Variants in SULF2 observed in about 807,000 individuals in gnomAD.
SULF2 encodes sulfatase 2.
SULF2 carries 52 observed loss-of-function variants against 107.7 expected under a neutral mutation model. The ratio of observed to expected loss-of-function variants is 0.48; its 90% CI spans 0.39 to 0.61. The LOEUF is 0.61. SULF2 is among the 20% of genes least tolerant of loss of function. The pLI is 0.00. For missense variants in SULF2, 993 were observed against 1,177.3 expected, an observed-to-expected ratio of 0.84 and a Z score of 2.29; for synonymous variants, 460 against 464.3, an observed-to-expected ratio of 0.99 and a Z score of 0.12.
intron 3 of SULF2, among the ~76,000 whole-genome samples, chr20:47,704,157 C>G (rs2088654995): frequency 1.3e-5 from 2 of 152,176 alleles, no homozygotes; most frequent in African/African-American, 4.8e-5. Flanking sequence ...TTTACATCAA[C>G]AACAAAGCTT....
At chr20:47,757,048 G>A (rs1003637490) in intron 2 of SULF2, 141 bp downstream of exon 2, 5 of 715,122 alleles carry the variant, frequency 7.0e-6, no homozygotes, top group Non-Finnish European at 6.7e-6. Context: ...AAACACGTGT[G>A]GGTGGCCCGT....
rs2086960733 is a variant in SULF2 at position 47,658,369 on chromosome 20, TC to T, written c.2605del (p.Glu869LysfsTer28). ...GTCCACCTCTGTTGTTTCTTAACCTTCCCAGCCTTCCCACAGTTGTCCCCTA... is the reference window on the plus strand; with the variant it reads ...GTCCACCTCTGTTGTTTCTTAACCTTCCAGCCTTCCCACAGTTGTCCCCTA... Reference protein sequence around the residue: ...KSLGQLWEGWEG With the variant: ...KSLGQLWEGWXG On this transcript the variant is annotated frameshift_variant, in exon 21 of 21. Coordinates refer to ENST00000688720, the MANE Select transcript of SULF2 (RefSeq NM_001387048.1). LOFTEE classifies it high-confidence loss of function. 6.2e-7 allele frequency: 1 copy of T among 1,614,096 alleles called. No individual in the cohort carries two copies. The highest frequency in any genetic ancestry group is 8.5e-7 in the Non-Finnish European group (1 of 1,180,028).
At chr20:47,757,966 G>A (rs73137529) in intron 1 of SULF2, among the ~76,000 whole-genome samples, 38,557 of 151,880 alleles carry the variant, frequency 0.25, 5,756 homozygotes, top group Non-Finnish European at 0.34. Flanking sequence ...TGGATGTTTT[G>A]GGCTGGACAA....
At position 47,699,935 on chromosome 20, in the gene SULF2, T is replaced by C. The variant is rs375084193; in HGVS notation, c.567+2584A>G. Among the ~76,000 whole-genome samples, 4 of 152,278 alleles carry C rather than the reference T, an allele frequency of 2.6e-5. No individual in the cohort carries two copies. In the East Asian group the frequency reaches 7.7e-4, roughly 29 times the overall value. On this transcript the variant is annotated intron_variant, in intron 4 of 20. Coordinates refer to ENST00000688720, the MANE Select transcript of SULF2 (RefSeq NM_001387048.1). The stretch of plus-strand genomic sequence containing the variant: ...CTCCTGGCTTGCTACCCTCTTTCAG[T>C]GACTGCCTGTTCTCTAGTGACTTTA...
intron 1 of SULF2, among the ~76,000 whole-genome samples, chr20:47,774,371 G>A (rs780003541): frequency 2.2e-4 from 34 of 152,206 alleles, no homozygotes; most frequent in Non-Finnish European, 4.4e-4. Flanking sequence ...CTGGTGAGGC[G>A]GGGTCTGGGA....
At position 47,666,442 on chromosome 20, in the gene SULF2, G is replaced by A; in HGVS notation, c.1623C>T (p.Ala541=). The A allele has an allele frequency of 6.2e-7, 1 of 1,613,814 alleles. No individual in the cohort carries two copies. The highest frequency in any genetic ancestry group is 8.5e-7 in the Non-Finnish European group (1 of 1,180,038). Residue 541 remains alanine, a synonymous_variant, in exon 12 of 21, where the codon GCC becomes GCT. Coordinates refer to ENST00000688720, the MANE Select transcript of SULF2 (RefSeq NM_001387048.1). The surrounding 1 kb of genome is among the most constrained non-coding windows in gnomAD (Gnocchi z 5.4). Reference sequence around the variant, plus strand: ...GGTACACCCTGCCGTCCACCTCGATGGCCACTGAGCGGATGGAGCGACTGC... The same window carrying A: ...GGTACACCCTGCCGTCCACCTCGATAGCCACTGAGCGGATGGAGCGACTGC... ...YVRSRSIRSV[A]IEVDGRVYHV... is the part of the protein sequence containing the mutation.
At chr20:47,699,898 A>G (rs985775820) in intron 4 of SULF2, among the ~76,000 whole-genome samples, 16 of 152,068 alleles carry the variant, frequency 1.1e-4, no homozygotes, top group South Asian at 4.2e-4. Flanking sequence ...ACCACTCCCT[A>G]TTGTCCACAC....
intron 1 of SULF2, among the ~76,000 whole-genome samples, chr20:47,779,732 G>A (rs966543913): frequency 1.3e-4 from 19 of 151,926 alleles, no homozygotes; most frequent in African/African-American, 3.9e-4. Context: ...GCAGCCTCCC[G>A]AGTAACTGGG....
intron 4 of SULF2, among the ~76,000 whole-genome samples, chr20:47,696,393 CTCCTTACCA>C: frequency 1.3e-5 from 1 of 78,054 alleles, no homozygotes; most frequent in South Asian, 4.2e-4. Flanking sequence ...GATTAGATTA[CTCCTTACCA>C]CCCCCCCACC....
chr20:47,727,221 T>TCC (rs1006604118), intron 3 of SULF2, among the ~76,000 whole-genome samples: 19 of 152,152 alleles, frequency 1.2e-4, no homozygotes, highest in African/African-American at 4.6e-4. Context: ...CGGGCTCTAG[T>TCC]CCAATCACTG....
intron 1 of SULF2, 63 bp from the exon 2 acceptor site, chr20:47,757,526 A>G: frequency 3.7e-6 from 3 of 806,986 alleles, no homozygotes; most frequent in Non-Finnish European, 5.7e-6. Context: ...TCATTCTTGC[A>G]TAATGATTTG....
rs1003743838 is a variant in SULF2, at chr20:47,715,555, G to T, written c.416-12885C>A. Among the ~76,000 whole-genome samples, 4 of 151,520 alleles carry T rather than the reference G, an allele frequency of 2.6e-5. No individual in the cohort carries two copies. The Admixed American group carries it at 2.6e-4, about 10-fold the overall frequency. ...ACACCTCGTAATGGGAGGCCTGTGG[G>T]AGACACAGCTGAGTGAGGGAATGTC... On this transcript the variant is annotated intron_variant, in intron 3 of 20. Transcript: ENST00000688720.
rs115595577 is a variant in SULF2 at position 47,662,765 on chromosome 20, C to G, written c.2370+305G>C. Reference sequence around the variant, plus strand: ...TATTTGGCTTGATCCTACAGCCTGACAGTGTTAGGAGTCTTCACAAGTTCC... The same window carrying G: ...TATTTGGCTTGATCCTACAGCCTGAGAGTGTTAGGAGTCTTCACAAGTTCC... On this transcript the variant is annotated intron_variant, in intron 17 of 20. Transcript: ENST00000688720. 5.0e-3 allele frequency among the ~76,000 whole-genome samples: 724 copies of G among 143,810 alleles called. 7 individuals are homozygous for G. The highest frequency in any genetic ancestry group is 0.014 in the African/African-American group (579 of 40,752). 94.3% of individuals were successfully genotyped at this position (143,810 alleles called of 152,430 possible).
chr20:47,714,884 G>C (rs6066441), intron 3 of SULF2, among the ~76,000 whole-genome samples: 20,607 of 152,122 alleles, frequency 0.14, 1,752 homozygotes, highest in Non-Finnish European at 0.2. Flanking sequence ...ACCTGCATGG[G>C]CTGCTTCCTC....
intron 3 of SULF2, among the ~76,000 whole-genome samples, chr20:47,716,728 G>A (rs1480249793): frequency 1.3e-5 from 2 of 152,150 alleles, no homozygotes; most frequent in African/African-American, 4.8e-5. Context: ...AGGGACAGTG[G>A]CTCACGTCTG....
intron 3 of SULF2, among the ~76,000 whole-genome samples, chr20:47,736,175 C>T (rs953266570): frequency 2.0e-5 from 3 of 152,098 alleles, no homozygotes; most frequent in Non-Finnish European, 4.4e-5. Flanking sequence ...GGAACTGGGT[C>T]GCCCTCCACC....
chr20:47,762,349 T>G (rs1446496060), intron 1 of SULF2, among the ~76,000 whole-genome samples: 1 of 152,158 alleles, frequency 6.6e-6, no homozygotes, highest in Non-Finnish European at 1.5e-5. Flanking sequence ...CAGAAACCAA[T>G]CACAGGAAAA....
chr20:47,690,001 T>C, intron 5 of SULF2, 125 bp downstream of exon 5: 1 of 1,008,202 alleles, frequency 9.9e-7, no homozygotes, highest in Non-Finnish European at 1.3e-6. Flanking sequence ...TCTTGGGGTC[T>C]TTAAACCAGG....
chr20:47,762,641 G>A (rs566192512), intron 1 of SULF2, among the ~76,000 whole-genome samples: 3 of 152,212 alleles, frequency 2.0e-5, no homozygotes, highest in Non-Finnish European at 4.4e-5. Flanking sequence ...TTCCTCATTT[G>A]CCAGGTGGCC....
Sources: allele counts gnomAD v4.1 joint callset (sites outside exome capture counted in the v4.1 genomes callset), GRCh38; gene constraint gnomAD v4.1.1; non-coding constraint Gnocchi (gnomAD v3.1); transcripts MANE v1.5; gene names NCBI Gene and HGNC (gene_info 2026-07-23, HGNC 2026-07-21).